Variants in FOXP3 observed in about 807,000 individuals in gnomAD.
FOXP3 encodes forkhead box P3, also known as forkhead box protein P3.
In FOXP3, 5 loss-of-function variants were observed where a neutral mutation model predicts 31.2. The ratio of observed to expected loss-of-function variants is 0.16; its 90% confidence interval spans 0.08 to 0.34. The LOEUF is 0.34. Among genes scored for constraint, FOXP3 ranks in the 10% least tolerant of loss-of-function variants. FOXP3 has a pLI of 1.00. For missense variants in FOXP3, 251 were observed against 363.0 expected (o/e 0.69, Z 2.51); for synonymous variants, 141 against 148.8 (o/e 0.95, Z 0.38).
At chrX:49,259,325 G>T in intron 1 of FOXP3, 1 of 520,283 alleles carries the variant, frequency 1.9e-6, no homozygotes, top group Non-Finnish European at 3.5e-6. Context: ...GAGGAGCTGA[G>T]GGGGCAGCTG....
intron 1 of FOXP3, among the ~76,000 whole-genome samples, chrX:49,259,436 T>G (rs1281420569): frequency 9.1e-6 from 1 of 110,031 alleles, no homozygotes; most frequent in Non-Finnish European, 1.9e-5. Context: ...AGATGGGGTC[T>G]CTTGAGCTGG....
Position 49,258,417 on chromosome X carries a change from G to T in FOXP3, c.89C>A (p.Pro30His). 1.7e-6 allele frequency: 2 copies of T among 1,181,287 alleles called. No homozygotes were observed. Among genetic ancestry groups the T allele is most frequent in the Non-Finnish European group, 2.3e-6 (2 of 879,420 alleles). ...GGCCCCCAGCAGGTCTGAGGCTTTG[G>T]GTGCAGCCCTCCAGCTGGGCGAGGC... The part of the protein sequence containing the change: ...PGASPSWRAA[P>H]KASDLLGARG... Residue 30 changes from proline (P) to histidine (H), a missense_variant, in exon 2 of 12, where the codon CCC becomes CAC. Coordinates refer to ENST00000376207, the MANE Select transcript of FOXP3 (RefSeq NM_014009.4).
chrX:49,258,028 A>G, intron 2 of FOXP3, among the ~76,000 whole-genome samples: 1 of 111,994 alleles, frequency 8.9e-6, no homozygotes, highest in South Asian at 3.7e-4. Context: ...GGGGACACAT[A>G]GCTATGCTCA....
intron 8 of FOXP3, among the ~76,000 whole-genome samples, 157 bp downstream of exon 8, chrX:49,255,272 G>A (rs1459223521): frequency 1.8e-5 from 2 of 112,462 alleles, no homozygotes; most frequent in Admixed American, 1.9e-4. Flanking sequence ...GTAAGTAGAA[G>A]GGGACAGATT....
In FOXP3 at chrX:49,256,985, A is replaced by T; in HGVS notation, c.482T>A (p.Val161Glu). ...PGINVASLEW[V>E]SREPALLCTF... ...GCAGAGCAGTGCCGGCTCCCTGGAC[A>T]CCCATTCCAGGCTGGCCACGTTGAT... is the stretch of plus-strand genomic sequence containing the variant. The change falls in exon 5 of 12, where the codon GTG becomes GAG. Residue 161 changes from valine (V) to glutamate (E), a missense_variant. Physicochemically the swap from Val to Glu is moderately radical, Grantham distance 121 (BLOSUM62 -2). Around this residue, in one of 4 missense-constraint regions of FOXP3, gnomAD observed 152 missense variants for 188.1 expected, o/e 0.81. Transcript: ENST00000376207. 1 of 1,210,012 alleles carries T rather than the reference A, an allele frequency of 8.3e-7. No individual in the cohort carries two copies.
Position 49,250,962 on chromosome X carries a change from T to G in FOXP3, c.*372A>C. On this transcript the variant is annotated 3_prime_UTR_variant, in exon 12 of 12. Coordinates refer to ENST00000376207, the MANE Select transcript of FOXP3 (RefSeq NM_014009.4). ...GGTTTGTGTTGAGTGAGGGACAGGA[T>G]TGTGACATTTTGTGTGTCTGTGTGA... 1 of 280,670 alleles carries G rather than the reference T, an allele frequency of 3.6e-6. No individual in the cohort carries two copies. Among genetic ancestry groups the G allele is most frequent in the East Asian group, 7.7e-5 (1 of 12,905 alleles). 23.1% of individuals were successfully genotyped at this position (280,670 alleles called of 1,213,427 possible). A position where few individuals can be genotyped will look rare whatever the true frequency, so the allele number is the denominator to read the frequency against.
At position 49,250,787 on chromosome X, in the gene FOXP3, G is replaced by C. The variant is rs1389095173; in HGVS notation, c.*547C>G. The C allele has an allele frequency of 4.3e-6, 1 of 235,223 alleles. No individual in the cohort carries two copies. Among genetic ancestry groups the C allele is most frequent in the Non-Finnish European group, 7.8e-6 (1 of 128,578 alleles). 19.4% of individuals were successfully genotyped at this position (235,223 alleles called of 1,213,427 possible). A position where few individuals can be genotyped will look rare whatever the true frequency, so the allele number is the denominator to read the frequency against. ...TGTGTAGGCCTCTGGGCACACCCCTGTGTTGACAGTGCCCCTGTGGGCCCT... is the reference window on the plus strand; with the variant it reads ...TGTGTAGGCCTCTGGGCACACCCCTCTGTTGACAGTGCCCCTGTGGGCCCT... On this transcript the variant is annotated 3_prime_UTR_variant, in exon 12 of 12. Coordinates refer to ENST00000376207, the MANE Select transcript of FOXP3 (RefSeq NM_014009.4).
intron 6 of FOXP3, among the ~76,000 whole-genome samples, chrX:49,256,187 T>C (rs1453560189): frequency 9.6e-6 from 1 of 104,029 alleles, no homozygotes; most frequent in Non-Finnish European, 1.9e-5. Flanking sequence ...GTGTGGTGTG[T>C]ATTTGTGTGT....
At chrX:49,256,206 G>C in intron 6 of FOXP3, among the ~76,000 whole-genome samples, 1 of 95,310 alleles carries the variant, frequency 1.0e-5, no homozygotes, top group South Asian at 5.4e-4. Context: ...GTGTGTGTGT[G>C]TGAGAGAGAG....
At chrX:49,256,286 G>C (rs888826681) in intron 6 of FOXP3, among the ~76,000 whole-genome samples, 14 of 104,866 alleles carry the variant, frequency 1.3e-4, no homozygotes, top group Non-Finnish European at 2.7e-4. Context: ...CATATGGGGG[G>C]ACTGAGGGGA....
chrX:49,251,878 CAG>C (rs1557115657), intron 10 of FOXP3, 113 bp from the exon 11 acceptor site: 1 of 1,145,212 alleles, frequency 8.7e-7, no homozygotes, highest in African/African-American at 1.8e-5. Flanking sequence ...GGCAGGTAAT[CAG>C]GGACAGGACT....
intron 1 of FOXP3, among the ~76,000 whole-genome samples, chrX:49,262,307 G>A (rs976087554): frequency 8.9e-6 from 1 of 112,666 alleles, no homozygotes; most frequent in Non-Finnish European, 1.9e-5. Flanking sequence ...GCAAAACAGT[G>A]TGGCCCTGGT....
rs782109461 is a variant in FOXP3 at position 49,257,060 on chromosome X, G to A, written c.455-48C>T. On this transcript the variant is annotated intron_variant, in intron 4 of 11. Transcript: ENST00000376207. ...TATGGAGGCTGTGGGCTGGGCTCTG[G>A]AGCTTGGCCCACAAGGCCTCTCATT... The A allele has an allele frequency of 1.4e-5, 15 of 1,086,627 alleles. No homozygotes were observed. In the South Asian group the frequency reaches 2.9e-4, roughly 21 times the overall value. 89.6% of individuals were successfully genotyped at this position (1,086,627 alleles called of 1,213,427 possible). A position where few individuals can be genotyped will look rare whatever the true frequency, so the allele number is the denominator to read the frequency against.
intron 1 of FOXP3, among the ~76,000 whole-genome samples, chrX:49,261,929 G>C (rs1413064563): frequency 8.9e-6 from 1 of 112,260 alleles, no homozygotes; most frequent in African/African-American, 3.2e-5. Flanking sequence ...GAGAGGCGTG[G>C]AGTAGACAAG....
At chrX:49,255,305 G>A (rs1602683880) in intron 8 of FOXP3, 124 bp downstream of exon 8, 2 of 600,436 alleles carry the variant, frequency 3.3e-6, no homozygotes, top group East Asian at 7.2e-5. Flanking sequence ...CATGTTTGGA[G>A]CTGGGGACAG....
intron 10 of FOXP3, among the ~76,000 whole-genome samples, chrX:49,252,461 T>C (rs781968515): frequency 1.8e-5 from 2 of 110,229 alleles, no homozygotes; most frequent in South Asian, 7.8e-4. Flanking sequence ...AGTGAGGCTA[T>C]CAGTCAGGAT....
In FOXP3 at chrX:49,258,422, A is replaced by G. The variant is rs1232755647; in HGVS notation, c.84T>C (p.Ala28=). 2 of 1,181,140 alleles carry G rather than the reference A, an allele frequency of 1.7e-6. No homozygotes were observed. The highest frequency in any genetic ancestry group is 4.9e-5 in the Admixed American group (2 of 41,152). ...CCAGCAGGTCTGAGGCTTTGGGTGC[A>G]GCCCTCCAGCTGGGCGAGGCTCCTG... The part of the protein sequence containing the change: ...PSPGASPSWR[A]APKASDLLGA... Residue 28 remains alanine (A), a synonymous_variant, in exon 2 of 12, where the codon GCT becomes GCC. Transcript: ENST00000376207.
intron 10 of FOXP3, among the ~76,000 whole-genome samples, chrX:49,252,650 CAAGGA>C (rs1557115735): frequency 9.2e-6 from 1 of 108,953 alleles, no homozygotes. Flanking sequence ...ATGGGTGTTA[CAAGGA>C]AAGGTTGGGA....
At chrX:49,263,432 C>T (rs1228076766) in intron 1 of FOXP3, among the ~76,000 whole-genome samples, 1 of 111,656 alleles carries the variant, frequency 9.0e-6, no homozygotes, top group African/African-American at 3.3e-5. Context: ...TTTCAGGAAT[C>T]CAAGGAAGCA....
Sources: gnomAD v4.1 joint callset for allele counts (sites outside exome capture counted in the v4.1 genomes callset) on GRCh38, gnomAD v4.1.1 for gene constraint, gnomAD v4.1.1 regional missense constraint, MANE v1.5 for transcripts, NCBI Gene and HGNC (gene_info 2026-07-23, HGNC 2026-07-21) for gene names.